Variants in KAZN observed in about 807,000 individuals in gnomAD.
The protein encoded by KAZN is kazrin, periplakin interacting protein, also known as kazrin.
KAZN carries 40 observed loss-of-function variants against 87.4 expected under a neutral mutation model. The ratio of observed to expected loss-of-function variants is 0.46; its 90% CI spans 0.36 to 0.60. The LOEUF is 0.60. Among genes scored for constraint, KAZN ranks in the 20% least tolerant of loss-of-function variants. The pLI, the probability that KAZN is intolerant of heterozygous loss-of-function variation, is 0.00. For synonymous variants in KAZN, 466 were observed against 458.3 expected (o/e 1.02, Z -0.22); for missense variants, 898 against 1,073.9 (o/e 0.84, Z 2.29).
chr1:14,301,392 T>A (rs1654542628), intron 2 of KAZN, among the ~76,000 whole-genome samples: 1 of 152,200 alleles, frequency 6.6e-6, no homozygotes, highest in African/African-American at 2.4e-5. Flanking sequence ...CCCAGTCCCA[T>A]CGGCTGGGGA....
At chr1:14,788,957 AC>A (rs991526462) in intron 1 of KAZN, among the ~76,000 whole-genome samples, 1 of 152,192 alleles carries the variant, frequency 6.6e-6, no homozygotes, top group Non-Finnish European at 1.5e-5. Flanking sequence ...AGTTACCTTT[AC>A]CTGGGAAGGT....
chr1:14,652,714 C>T lies in KAZN; in HGVS notation c.226+53491C>T, dbSNP rs80252443. Among the ~76,000 whole-genome samples the T allele has an allele frequency of 7.2e-4, 96 of 133,564 alleles. 2 individuals are homozygous for T. The East Asian group carries it at 0.023, about 32-fold the overall frequency. 87.6% of individuals were successfully genotyped at this position (133,564 alleles called of 152,430 possible). On this transcript the variant is annotated intron_variant, in intron 1 of 14. Coordinates refer to ENST00000376030, the MANE Select transcript of KAZN (RefSeq NM_201628.3). ...CCATCTACCTATCCATGCACCCATT[C>T]ATTCATCCACCCATCCGTTAATCCA...
intron 1 of KAZN, among the ~76,000 whole-genome samples, chr1:14,114,521 C>G (rs1173364141): frequency 6.6e-6 from 1 of 152,022 alleles, no homozygotes; most frequent in Admixed American, 6.5e-5. Context: ...ACCGTCGATG[C>G]CCCCCATATC....
intron 2 of KAZN, among the ~76,000 whole-genome samples, chr1:14,520,795 G>T (rs1252109418): frequency 6.6e-6 from 1 of 152,188 alleles, no homozygotes; most frequent in Non-Finnish European, 1.5e-5. Flanking sequence ...CTAAACCAAA[G>T]ATGGTTTTGT....
At chr1:14,726,636 T>C (rs1643397885) in intron 1 of KAZN, among the ~76,000 whole-genome samples, 1 of 152,154 alleles carries the variant, frequency 6.6e-6, no homozygotes, top group Non-Finnish European at 1.5e-5. Flanking sequence ...ACAAAAGCGA[T>C]GAATACTTAG....
rs185409170 is a variant in KAZN at position 14,181,174 on chromosome 1, C to T, written c.249+582C>T. Among the ~76,000 whole-genome samples, 65 of 152,230 alleles carry T rather than the reference C, an allele frequency of 4.3e-4. 1 individual carries two copies. The South Asian group carries it at 4.4e-3, about 10-fold the overall frequency. On this transcript the variant is annotated intron_variant, in intron 2 of 16. Coordinates refer to the KAZN transcript ENST00000636203. ...GGCTTTGTTGGTGGGTCTCTTCAGA[C>T]GTGTTGATAGACAAACACCAAGTGT...
intron 1 of KAZN, among the ~76,000 whole-genome samples, chr1:14,120,491 G>A (rs544744348): frequency 6.6e-6 from 1 of 152,304 alleles, no homozygotes; most frequent in South Asian, 2.1e-4. Context: ...TATCACATAT[G>A]TAGTTTTATT....
At chr1:15,098,341 G>C (rs572812957) in intron 10 of KAZN, among the ~76,000 whole-genome samples, 1 of 152,206 alleles carries the variant, frequency 6.6e-6, no homozygotes, top group Non-Finnish European at 1.5e-5. Flanking sequence ...AGCTGGGAAC[G>C]TATCGCCAAG....
intron 1 of KAZN, among the ~76,000 whole-genome samples, chr1:14,954,639 C>T (rs1662868864): frequency 6.6e-6 from 1 of 152,184 alleles, no homozygotes; most frequent in Admixed American, 6.5e-5. Context: ...CTGAGTTTTT[C>T]ATTTTAATTA....
chr1:13,919,046 G>A (rs1447821580), intron 1 of KAZN, among the ~76,000 whole-genome samples: 2 of 152,202 alleles, frequency 1.3e-5, no homozygotes, highest in African/African-American at 4.8e-5. Context: ...GTCCACACAG[G>A]GGACCATAAA....
chr1:14,586,226 A>C (rs1051871296), intron 2 of KAZN, among the ~76,000 whole-genome samples: 3 of 152,222 alleles, frequency 2.0e-5, no homozygotes, highest in Non-Finnish European at 4.4e-5. Context: ...TTTTCACCTC[A>C]TATTAAGCTT....
At chr1:14,869,863 C>T (rs1275449452) in intron 1 of KAZN, among the ~76,000 whole-genome samples, 1 of 152,204 alleles carries the variant, frequency 6.6e-6, no homozygotes, top group Non-Finnish European at 1.5e-5. Flanking sequence ...TTATTAAAAG[C>T]CTTGTTCCAT....
intron 2 of KAZN, among the ~76,000 whole-genome samples, chr1:14,192,997 A>C (rs972815113): frequency 7.9e-5 from 12 of 152,034 alleles, no homozygotes; most frequent in Admixed American, 5.2e-4. Flanking sequence ...TGTGTGTCAA[A>C]AGAGAGACCA....
chr1:14,529,026 C>T lies in KAZN; in HGVS notation c.250-69957C>T, dbSNP rs1007710159. Among the ~76,000 whole-genome samples the T allele has an allele frequency of 4.6e-5, 7 of 152,046 alleles. No homozygotes were observed. In the South Asian group the frequency reaches 8.3e-4, roughly 18 times the overall value. On this transcript the variant is annotated intron_variant, in intron 2 of 16. Coordinates refer to the KAZN transcript ENST00000636203. ...ATAACAAAATAATTGTCTTTCGGCC[C>T]GGCGCGGTGGCTCATGCCTGTAATC...
At chr1:14,456,430 T>C (rs72872363) in intron 2 of KAZN, among the ~76,000 whole-genome samples, 2,245 of 152,240 alleles carry the variant, frequency 0.015, 50 homozygotes, top group African/African-American at 0.05. Flanking sequence ...TTTTTTTTTA[T>C]GTTGAAGCTT....
chr1:14,943,759 G>C (rs1218977581), intron 1 of KAZN, among the ~76,000 whole-genome samples: 1 of 152,244 alleles, frequency 6.6e-6, no homozygotes, highest in African/African-American at 2.4e-5. Context: ...TCTCAGGCGA[G>C]GTGCTCAGTG....
At chr1:13,969,302 A>G (rs12727040) in intron 1 of KAZN, among the ~76,000 whole-genome samples, 19,445 of 152,238 alleles carry the variant, frequency 0.13, 1,394 homozygotes, top group Middle Eastern at 0.21. Context: ...TAGTTAAGTT[A>G]AAATGAGATC....
chr1:14,608,124 C>A (rs1179414909), intron 1 of KAZN, among the ~76,000 whole-genome samples: 1 of 152,206 alleles, frequency 6.6e-6, no homozygotes, highest in Non-Finnish European at 1.5e-5. Flanking sequence ...CTGCTCGCTT[C>A]GTTAAGACGA....
intron 13 of KAZN, among the ~76,000 whole-genome samples, chr1:15,110,235 A>ATTTATG (rs1217839754): frequency 7.2e-6 from 1 of 139,218 alleles, no homozygotes; most frequent in Non-Finnish European, 1.5e-5. Context: ...GTGTATGTGT[A>ATTTATG]TATATGTATA....
Sources: allele counts gnomAD v4.1 joint callset (sites outside exome capture counted in the v4.1 genomes callset), GRCh38; gene constraint gnomAD v4.1.1; transcripts MANE v1.5; gene names NCBI Gene and HGNC (gene_info 2026-07-23, HGNC 2026-07-21).